Variants in ARID1B observed in about 807,000 individuals in gnomAD.
ARID1B encodes AT-rich interactive domain-containing protein 1B.
A neutral mutation model predicts 212.3 loss-of-function variants in ARID1B; 30 were observed. The ratio of observed to expected loss-of-function variants is 0.14; its 90% CI spans 0.11 to 0.19. The LOEUF (loss-of-function observed/expected upper bound fraction) is 0.19, where lower values mean the gene tolerates loss of function less well. Among genes scored for constraint, ARID1B ranks in the 10% least tolerant of loss-of-function variants. ARID1B has a pLI of 1.00. For missense variants in ARID1B, 2,891 were observed against 3,204.0 expected (o/e 0.90, Z 2.36); for synonymous variants, 1,402 against 1,301.7 (o/e 1.08, Z -1.66).
intron 3 of ARID1B, among the ~76,000 whole-genome samples, chr6:156,914,175 A>C: frequency 1.9e-5 from 2 of 103,756 alleles, no homozygotes; most frequent in African/African-American, 3.9e-5. Context: ...TGGTGCCCCC[A>C]TTCCACTCTA....
intron 2 of ARID1B, among the ~76,000 whole-genome samples, chr6:156,866,959 G>A (rs920685876): frequency 2.6e-5 from 4 of 152,212 alleles, no homozygotes; most frequent in African/African-American, 9.7e-5. Context: ...ACAGACATAG[G>A]AAAGTTACTT....
At chr6:156,995,538 C>G (rs573033781) in intron 4 of ARID1B, among the ~76,000 whole-genome samples, 1 of 152,174 alleles carries the variant, frequency 6.6e-6, no homozygotes, top group African/African-American at 2.4e-5. Context: ...TTGCTCCAAG[C>G]CCAGGGTACT....
chr6:156,850,218 C>T (rs758650935), intron 2 of ARID1B, among the ~76,000 whole-genome samples: 10 of 151,696 alleles, frequency 6.6e-5, no homozygotes, highest in South Asian at 4.2e-4. Context: ...AAAGATGGGA[C>T]GGAATGATAG....
intron 4 of ARID1B, among the ~76,000 whole-genome samples, chr6:156,990,904 A>G (rs932638805): frequency 6.6e-6 from 1 of 152,232 alleles, no homozygotes; most frequent in Admixed American, 6.5e-5. Flanking sequence ...ATCATATTTC[A>G]CAGCCAAGAT....
intron 2 of ARID1B, among the ~76,000 whole-genome samples, chr6:156,900,855 G>A (rs1788866496): frequency 6.6e-6 from 1 of 152,180 alleles, no homozygotes; most frequent in Non-Finnish European, 1.5e-5. Context: ...AGCAAAAATA[G>A]TAAATAAAAT....
chr6:156,890,616 A>G (rs866804407), intron 2 of ARID1B, among the ~76,000 whole-genome samples: 1 of 152,210 alleles, frequency 6.6e-6, no homozygotes, highest in African/African-American at 2.4e-5. Flanking sequence ...CTTCAGAGCA[A>G]TGTGAGAGCC....
intron 4 of ARID1B, among the ~76,000 whole-genome samples, chr6:156,976,610 C>T (rs1022915020): frequency 2.0e-5 from 3 of 152,088 alleles, no homozygotes; most frequent in African/African-American, 4.8e-5. Context: ...CCTAGTCACC[C>T]GAGCCAGCAA....
intron 3 of ARID1B, among the ~76,000 whole-genome samples, chr6:156,934,603 C>T (rs1182870047): frequency 6.6e-6 from 1 of 152,018 alleles, no homozygotes; most frequent in South Asian, 2.1e-4. Context: ...ATAGAAACCT[C>T]AGGATCCTAT....
chr6:156,878,197 A>T (rs1268403815), intron 2 of ARID1B, among the ~76,000 whole-genome samples: 1 of 151,930 alleles, frequency 6.6e-6, no homozygotes, highest in Admixed American at 6.6e-5. Flanking sequence ...TTCTCCACTT[A>T]TCTGGCTACC....
intron 2 of ARID1B, among the ~76,000 whole-genome samples, chr6:156,849,002 G>T (rs1024087684): frequency 6.6e-6 from 1 of 152,142 alleles, no homozygotes; most frequent in Non-Finnish European, 1.5e-5. Context: ...AAACTTCACC[G>T]CCTGGGTCCA....
chr6:156,921,855 C>CT (rs899492352), intron 3 of ARID1B, among the ~76,000 whole-genome samples: 32 of 151,426 alleles, frequency 2.1e-4, no homozygotes, highest in Non-Finnish European at 3.8e-4. Flanking sequence ...GTTTCTCTAG[C>CT]TTTTTTTTTC....
intron 4 of ARID1B, among the ~76,000 whole-genome samples, chr6:157,000,947 G>A (rs1042754478): frequency 8.6e-5 from 13 of 151,986 alleles, no homozygotes; most frequent in South Asian, 2.1e-4. Flanking sequence ...CATCTGCCTC[G>A]GCCTCCAAAA....
intron 6 of ARID1B, among the ~76,000 whole-genome samples, chr6:157,114,987 A>G (rs1250801229): frequency 6.6e-6 from 1 of 152,164 alleles, no homozygotes; most frequent in Non-Finnish European, 1.5e-5. Context: ...GGAAGAGCAT[A>G]TGTTAATAAA....
In ARID1B at chr6:156,778,866, G is replaced by A. The variant is rs1201271980; in HGVS notation, c.1186G>A (p.Gly396Ser). 8 of 1,405,922 alleles carry A rather than the reference G, an allele frequency of 5.7e-6. No individual in the cohort carries two copies. Among genetic ancestry groups the A allele is most frequent in the Admixed American group, 3.1e-5 (1 of 32,434 alleles). 87.1% of individuals were successfully genotyped at this position (1,405,922 alleles called of 1,614,324 possible). Residue 396 changes from glycine (G) to serine (S), a missense_variant, in exon 1 of 20, where the codon GGC becomes AGC. Around this residue, in one of 7 missense-constraint regions of ARID1B, gnomAD observed 1,643 missense variants for 1,544.0 expected, o/e 1.06. Coordinates refer to ENST00000636930, the MANE Select transcript of ARID1B (RefSeq NM_001374828.1). ...CGGCGCGGGCGGCGGCGGCGGCGGC[G>A]GCGGCGGAGGAGGAGGAGGCAGCGG... is the stretch of plus-strand genomic sequence containing the variant. ...RPGAGGGGGG[G>S]GGGGGGSGGG...
intron 4 of ARID1B, among the ~76,000 whole-genome samples, chr6:157,021,121 G>A (rs1194989467): frequency 6.6e-6 from 1 of 152,116 alleles, no homozygotes; most frequent in Non-Finnish European, 1.5e-5. Flanking sequence ...CTTGAGAGAG[G>A]GGGATTTTAG....
chr6:157,161,198 A>G (rs1054755317), intron 8 of ARID1B, among the ~76,000 whole-genome samples: 3 of 152,126 alleles, frequency 2.0e-5, no homozygotes, highest in African/African-American at 7.2e-5. Flanking sequence ...TTTTACACGA[A>G]TCTACATTTT....
Position 157,076,767 on chromosome 6 carries a change from A to G in ARID1B, c.2248-7895A>G, listed in dbSNP as rs115361040. Reference sequence around the variant, plus strand: ...ATTTACAGGTCTTGTTAGTTTGTCAATTTACTTTCAAAAGCACATGGGTCA... The same window carrying G: ...ATTTACAGGTCTTGTTAGTTTGTCAGTTTACTTTCAAAAGCACATGGGTCA... On this transcript the variant is annotated intron_variant, in intron 4 of 19. Transcript: ENST00000636930. 8.5e-3 allele frequency among the ~76,000 whole-genome samples: 1,293 copies of G among 152,234 alleles called. 18 individuals are homozygous for G. The highest frequency in any genetic ancestry group is 0.028 in the African/African-American group (1,158 of 41,550).
intron 8 of ARID1B, chr6:157,151,207 T>C (rs1790174053): frequency 6.6e-6 from 1 of 152,206 alleles, no homozygotes; most frequent in Non-Finnish European, 1.5e-5. Flanking sequence ...ATTTCCCCCA[T>C]TGTTGTCATT....
At chr6:156,998,591 C>T (rs1019650070) in intron 4 of ARID1B, among the ~76,000 whole-genome samples, 15 of 152,186 alleles carry the variant, frequency 9.9e-5, no homozygotes, top group Admixed American at 5.2e-4. Context: ...ATGACTGCTG[C>T]GAGCTGACAG....
Sources: gnomAD v4.1 joint callset for allele counts (sites outside exome capture counted in the v4.1 genomes callset) on GRCh38, gnomAD v4.1.1 for gene constraint, gnomAD v4.1.1 regional missense constraint, MANE v1.5 for transcripts, NCBI Gene and HGNC (gene_info 2026-07-23, HGNC 2026-07-21) for gene names.